Variants in CSMD1 observed in about 807,000 individuals in gnomAD.
CSMD1 encodes CUB and sushi domain-containing protein 1.
A neutral mutation model predicts 417.5 loss-of-function variants in CSMD1; 213 were observed. The ratio of observed to expected loss-of-function variants is 0.51; its 90% CI spans 0.46 to 0.57. The LOEUF (loss-of-function observed/expected upper bound fraction) is 0.57. CSMD1 is among the 20% of genes least tolerant of loss of function. The probability of loss-of-function intolerance (pLI) is 0.00; values close to 1 mark genes in which losing one functional copy is unlikely to be tolerated. For synonymous variants in CSMD1, 2,862 were observed against 1,736.8 expected (o/e 1.65, Z -16.11); for missense variants, 6,923 against 4,529.7 (o/e 1.53, Z -15.17).
intron 12 of CSMD1, among the ~76,000 whole-genome samples, chr8:3,464,143 C>T (rs1816670508): frequency 6.6e-6 from 1 of 152,218 alleles, no homozygotes. Flanking sequence ...ATAGCTACGG[C>T]AAATTACATG....
At chr8:4,290,826 A>G (rs1029867111) in intron 3 of CSMD1, among the ~76,000 whole-genome samples, 8 of 152,338 alleles carry the variant, frequency 5.3e-5, no homozygotes, top group African/African-American at 1.9e-4. Flanking sequence ...TGTAATTAAA[A>G]TAATTCAAAG....
At chr8:3,916,995 C>G (rs917255716) in intron 5 of CSMD1, among the ~76,000 whole-genome samples, 1 of 152,172 alleles carries the variant, frequency 6.6e-6, no homozygotes, top group African/African-American at 2.4e-5. Context: ...TGAAACTCCA[C>G]TGCCCTATGA....
At chr8:4,941,911 T>G (rs539343032) in intron 1 of CSMD1, among the ~76,000 whole-genome samples, 1 of 152,304 alleles carries the variant, frequency 6.6e-6, no homozygotes, top group South Asian at 2.1e-4. Flanking sequence ...CATCAGCAAT[T>G]TGATGATGCT....
At position 2,978,082 on chromosome 8, in the gene CSMD1, T is replaced by C. The variant is rs112562947; in HGVS notation, c.8566+530A>G. On this transcript the variant is annotated intron_variant, in intron 55 of 69. Transcript: ENST00000635120. Reference sequence around the variant, plus strand: ...AGCAATCCCACTACTGGGTATATACTCAAAGGATATGAGGTTTTTATTGTA... The same window carrying C: ...AGCAATCCCACTACTGGGTATATACCCAAAGGATATGAGGTTTTTATTGTA... Among the ~76,000 whole-genome samples the C allele has an allele frequency of 5.4e-3, 820 of 152,254 alleles. 7 individuals are homozygous for C. Among genetic ancestry groups the C allele is most frequent in the African/African-American group, 0.019 (776 of 41,558 alleles).
intron 1 of CSMD1, among the ~76,000 whole-genome samples, chr8:4,759,163 C>T (rs890783708): frequency 6.6e-6 from 1 of 152,192 alleles, no homozygotes; most frequent in African/African-American, 2.4e-5. Context: ...CCTCAGCCTG[C>T]CTGCAGCTAT....
At chr8:3,738,084 C>G (rs1430255556) in intron 6 of CSMD1, among the ~76,000 whole-genome samples, 1 of 152,204 alleles carries the variant, frequency 6.6e-6, no homozygotes, top group African/African-American at 2.4e-5. Context: ...ACTATAGTCT[C>G]TTTCCATTAG....
chr8:4,318,304 C>G (rs1799056764), intron 3 of CSMD1, among the ~76,000 whole-genome samples: 3 of 152,090 alleles, frequency 2.0e-5, no homozygotes, highest in South Asian at 2.1e-4. Context: ...TCTTTGCAGA[C>G]AAAATCTAAA....
At chr8:3,493,788 G>C in intron 10 of CSMD1, 62 bp from the exon 11 acceptor site, 3 of 1,347,460 alleles carry the variant, frequency 2.2e-6, no homozygotes, top group East Asian at 5.0e-5. Context: ...CTTTTAATAG[G>C]TATTGCAAAT....
intron 4 of CSMD1, among the ~76,000 whole-genome samples, chr8:4,011,774 G>C (rs2740949): frequency 0.37 from 56,277 of 151,996 alleles, 10,444 homozygotes; most frequent in Non-Finnish European, 0.39. Flanking sequence ...TCTTATACAA[G>C]TGTAGTATAA....
chr8:3,923,389 A>C (rs766383636), intron 5 of CSMD1, among the ~76,000 whole-genome samples: 8 of 152,120 alleles, frequency 5.3e-5, no homozygotes, highest in South Asian at 2.1e-4. Flanking sequence ...TTTCCTTATT[A>C]TATCATTTGC....
intron 26 of CSMD1, among the ~76,000 whole-genome samples, chr8:3,233,534 T>A (rs966571931): frequency 1.3e-5 from 2 of 152,216 alleles, no homozygotes; most frequent in African/African-American, 4.8e-5. Flanking sequence ...GGTTTGTTCG[T>A]TTTGTTTTGT....
intron 1 of CSMD1, among the ~76,000 whole-genome samples, chr8:4,977,385 C>T (rs1810622314): frequency 6.6e-6 from 1 of 152,084 alleles, no homozygotes. Context: ...CCTCATGGCA[C>T]AAGTTGAAAG....
intron 1 of CSMD1, among the ~76,000 whole-genome samples, chr8:4,752,153 T>C (rs1811373427): frequency 6.6e-6 from 1 of 152,168 alleles, no homozygotes; most frequent in African/African-American, 2.4e-5. Context: ...TCAGTTGCTC[T>C]TTAGTTCCTT....
At chr8:3,160,225 C>A (rs1242464605) in intron 38 of CSMD1, among the ~76,000 whole-genome samples, 5 of 152,228 alleles carry the variant, frequency 3.3e-5, no homozygotes, top group African/African-American at 1.2e-4. Flanking sequence ...CTGTTTCAAG[C>A]GATCCACCCA....
chr8:4,238,782 A>C (rs116980827), intron 3 of CSMD1, among the ~76,000 whole-genome samples: 1 of 152,192 alleles, frequency 6.6e-6, no homozygotes, highest in Non-Finnish European at 1.5e-5. Flanking sequence ...TTGGGTAAAG[A>C]AGACTTAGGC....
At chr8:3,846,526 T>G (rs1416108347) in intron 5 of CSMD1, among the ~76,000 whole-genome samples, 1 of 152,228 alleles carries the variant, frequency 6.6e-6, no homozygotes, top group Non-Finnish European at 1.5e-5. Context: ...ACAGGAATGG[T>G]GGGTGGATTA....
chr8:3,894,817 A>G (rs62480072), intron 5 of CSMD1, among the ~76,000 whole-genome samples: 7,894 of 152,314 alleles, frequency 0.052, 278 homozygotes, highest in South Asian at 0.13. Flanking sequence ...TCTAATTCAA[A>G]TTCACTGACA....
intron 1 of CSMD1, among the ~76,000 whole-genome samples, chr8:4,927,342 G>C (rs998384989): frequency 6.6e-6 from 1 of 152,016 alleles, no homozygotes; most frequent in Admixed American, 6.6e-5. Context: ...ACAGGTATGA[G>C]CCACCACGCC....
At chr8:4,859,116 T>G (rs1311960823) in intron 1 of CSMD1, among the ~76,000 whole-genome samples, 1 of 151,994 alleles carries the variant, frequency 6.6e-6, no homozygotes. Flanking sequence ...ATGTCACATA[T>G]CTGCAACTAT....
Sources: allele counts gnomAD v4.1 joint callset (sites outside exome capture counted in the v4.1 genomes callset), GRCh38; gene constraint gnomAD v4.1.1; transcripts MANE v1.5; gene names NCBI Gene and HGNC (gene_info 2026-07-23, HGNC 2026-07-21).